TAOK3: variants seen among roughly 807,000 people sequenced by gnomAD.
TAOK3 encodes the protein TAO kinase 3.
A neutral mutation model predicts 120.4 loss-of-function variants in TAOK3; 40 were observed. That is an observed-to-expected ratio of 0.33 (90% confidence interval 0.26 to 0.43). The LOEUF is 0.43. Among genes scored for constraint, TAOK3 ranks in the 20% least tolerant of loss-of-function variants. The pLI is 1.00. For missense variants in TAOK3, 821 were observed against 1,112.1 expected, an observed-to-expected ratio of 0.74 and a Z score of 3.72; for synonymous variants, 355 against 387.5, an observed-to-expected ratio of 0.92 and a Z score of 0.99.
chr12:118,285,335 G>C (rs1214883199), intron 1 of TAOK3, among the ~76,000 whole-genome samples: 1 of 151,426 alleles, frequency 6.6e-6, no homozygotes, highest in Non-Finnish European at 1.5e-5. Flanking sequence ...GAGCCACTGT[G>C]CCAGGCCTAA....
In TAOK3 at chr12:118,265,370, C is replaced by A. The variant is rs140967975; in HGVS notation, c.-89+1285G>T. On this transcript the variant is annotated intron_variant, in intron 2 of 20. Transcript: ENST00000392533. ...TGCCACTCCACTCCAGCCTGGGTGA[C>A]AGAGTGAAACACTGTCTCAGGAAGA... 1.4e-4 allele frequency among the ~76,000 whole-genome samples: 17 copies of A among 124,820 alleles called. No homozygotes were observed. In the East Asian group the frequency reaches 4.2e-3, roughly 31 times the overall value. 81.9% of individuals were successfully genotyped at this position (124,820 alleles called of 152,430 possible).
At chr12:118,175,191 T>TAGGTC (rs2036245416) in intron 16 of TAOK3, among the ~76,000 whole-genome samples, 1 of 152,220 alleles carries the variant, frequency 6.6e-6, no homozygotes, top group African/African-American at 2.4e-5. Flanking sequence ...AATTTTCTGT[T>TAGGTC]AGGTCTAACA....
intron 19 of TAOK3, among the ~76,000 whole-genome samples, chr12:118,158,776 T>C (rs1197438975): frequency 6.6e-6 from 1 of 152,172 alleles, no homozygotes. Context: ...AGCTCTCCAT[T>C]GCTTACAAAA....
chr12:118,349,985 CA>C (rs1377122660), intron 1 of TAOK3, among the ~76,000 whole-genome samples: 1 of 152,176 alleles, frequency 6.6e-6, no homozygotes, highest in Non-Finnish European at 1.5e-5. Flanking sequence ...TAATGCCTTA[CA>C]AAGTCACTGT....
At chr12:118,235,500 T>G in intron 8 of TAOK3, 58 bp downstream of exon 8, 2 of 1,350,808 alleles carry the variant, frequency 1.5e-6, no homozygotes, top group Non-Finnish European at 2.1e-6. Context: ...ACCAGCACCA[T>G]AGTTGAGTTC....
intron 1 of TAOK3, among the ~76,000 whole-genome samples, chr12:118,308,959 A>AG: frequency 7.0e-6 from 1 of 143,186 alleles, no homozygotes; most frequent in Non-Finnish European, 1.5e-5. Flanking sequence ...AAAAAAAAAA[A>AG]GCCTGTATGG....
At chr12:118,213,479 C>T (rs930267230) in intron 10 of TAOK3, among the ~76,000 whole-genome samples, 1 of 152,104 alleles carries the variant, frequency 6.6e-6, no homozygotes, top group African/African-American at 2.4e-5. Flanking sequence ...CCATTTTATC[C>T]GTTCTTCTTT....
At chr12:118,234,845 C>T (rs1159366098) in intron 8 of TAOK3, among the ~76,000 whole-genome samples, 1 of 152,146 alleles carries the variant, frequency 6.6e-6, no homozygotes, top group Non-Finnish European at 1.5e-5. Flanking sequence ...ACTTGTTTGT[C>T]CATAATGCAT....
chr12:118,164,401 C>T (rs2035443963), intron 17 of TAOK3, among the ~76,000 whole-genome samples: 1 of 151,898 alleles, frequency 6.6e-6, no homozygotes, highest in African/African-American at 2.4e-5. Flanking sequence ...AGCTTTTGAG[C>T]TGTACTTTAT....
intron 3 of TAOK3, among the ~76,000 whole-genome samples, chr12:118,249,241 T>C (rs1457952602): frequency 6.6e-6 from 1 of 152,212 alleles, no homozygotes; most frequent in Non-Finnish European, 1.5e-5. Flanking sequence ...TTTGCTATTT[T>C]ATAGACAAAT....
intron 9 of TAOK3, among the ~76,000 whole-genome samples, chr12:118,214,808 C>A (rs540998961): frequency 9.4e-5 from 14 of 148,858 alleles, no homozygotes; most frequent in African/African-American, 3.5e-4. Flanking sequence ...TGCAATGGAA[C>A]GATCCCAGCT....
At chr12:118,341,944 G>A (rs1187732733) in intron 1 of TAOK3, among the ~76,000 whole-genome samples, 1 of 152,138 alleles carries the variant, frequency 6.6e-6, no homozygotes, top group Non-Finnish European at 1.5e-5. Flanking sequence ...GATGGCTTGA[G>A]CCCAGGAGGT....
intron 1 of TAOK3, among the ~76,000 whole-genome samples, chr12:118,337,181 G>A (rs189662700): frequency 6.4e-4 from 97 of 152,212 alleles, no homozygotes; most frequent in African/African-American, 2.2e-3. Context: ...TAACTATTAG[G>A]GAAATGTAAA....
intron 17 of TAOK3, among the ~76,000 whole-genome samples, chr12:118,163,449 G>GT (rs1565876431): frequency 2.0e-4 from 9 of 45,810 alleles, no homozygotes; most frequent in Non-Finnish European, 2.5e-4. Flanking sequence ...CTTTTTTTTT[G>GT]GGGGGGGTGG....
Position 118,172,479 on chromosome 12 carries a change from A to G in TAOK3, c.1877T>C (p.Val626Ala). ...KRKIMIKRHE[V>A]EQQNIREELN... The stretch of plus-strand genomic sequence containing the variant: ...TACCTCCCGAATGTTCTGCTGCTCC[A>G]CCTCGTGCCGCTTGATCATTATTTT... The change falls in exon 17 of 21, where the codon GTG becomes GCG. Residue 626 changes from valine to alanine, a missense_variant. Val to Ala is a moderately conservative substitution (Grantham distance 64, BLOSUM62 0). Around this residue, in one of 2 missense-constraint regions of TAOK3, gnomAD observed 354 missense variants for 572.1 expected, o/e 0.62. Coordinates refer to ENST00000392533, the MANE Select transcript of TAOK3 (RefSeq NM_016281.4). 1 of 1,614,014 alleles carries G rather than the reference A, an allele frequency of 6.2e-7. No homozygotes were observed. Among genetic ancestry groups the G allele is most frequent in the South Asian group, 1.1e-5 (1 of 91,080 alleles).
At chr12:118,342,546 GATAAT>G in intron 1 of TAOK3, among the ~76,000 whole-genome samples, 1 of 152,218 alleles carries the variant, frequency 6.6e-6, no homozygotes, top group East Asian at 1.9e-4. Context: ...GCCATGACAA[GATAAT>G]ATAAAATTGT....
intron 1 of TAOK3, among the ~76,000 whole-genome samples, chr12:118,299,521 ATTTT>A (rs1207793683): frequency 6.6e-6 from 1 of 152,068 alleles, no homozygotes; most frequent in Non-Finnish European, 1.5e-5. Flanking sequence ...TTATTTATTT[ATTTT>A]TTAAGACAGA....
intron 7 of TAOK3, among the ~76,000 whole-genome samples, chr12:118,237,195 G>A (rs1051777527): frequency 1.3e-5 from 2 of 152,140 alleles, no homozygotes; most frequent in Non-Finnish European, 2.9e-5. Context: ...CCAGTAAGTG[G>A]TCATGGCTAC....
chr12:118,309,284 G>A (rs1442612332), intron 1 of TAOK3, among the ~76,000 whole-genome samples: 10 of 149,678 alleles, frequency 6.7e-5, no homozygotes, highest in Admixed American at 5.3e-4. Context: ...AGCCGAGCTC[G>A]GGCCACTGCA....
Sources: allele counts gnomAD v4.1 joint callset (sites outside exome capture counted in the v4.1 genomes callset), GRCh38; gene constraint gnomAD v4.1.1; regional missense constraint gnomAD v4.1.1; transcripts MANE v1.5; gene names NCBI Gene and HGNC (gene_info 2026-07-23, HGNC 2026-07-21).